JAKMIP3: variants seen among roughly 807,000 people sequenced by gnomAD.
JAKMIP3 encodes the protein Janus kinase and microtubule interacting protein 3.
A neutral mutation model predicts 118.5 loss-of-function variants in JAKMIP3; 58 were observed. The ratio of observed to expected loss-of-function variants is 0.49; its 90% CI spans 0.40 to 0.61. The LOEUF is 0.61. Ranked by LOEUF, JAKMIP3 falls within the 20% of genes least tolerant of loss-of-function variation. JAKMIP3 has a pLI of 0.00. For missense variants in JAKMIP3, 950 were observed against 1,109.0 expected (o/e 0.86, Z 2.04); for synonymous variants, 486 against 451.2 (o/e 1.08, Z -0.98).
At position 132,183,032 on chromosome 10, in the gene JAKMIP3, A is replaced by G. The variant is rs1313379395; in HGVS notation, c.*1779A>G. ...AGTTCAGTGTCTCTAGCTGAGCCTG[A>G]CCTCGGGGTTTGCGTCTCGAGTCTG... On this transcript the variant is annotated 3_prime_UTR_variant, in exon 24 of 24. Coordinates refer to ENST00000684848, the MANE Select transcript of JAKMIP3 (RefSeq NM_001323087.2). 1 of 152,108 alleles carries G rather than the reference A, an allele frequency of 6.6e-6. No homozygotes were observed. Among genetic ancestry groups the G allele is most frequent in the Admixed American group, 6.5e-5 (1 of 15,270 alleles). 9.4% of individuals were successfully genotyped at this position (152,108 alleles called of 1,614,324 possible). A position where few individuals can be genotyped will look rare whatever the true frequency, so the allele number is the denominator to read the frequency against.
intron 13 of JAKMIP3, among the ~76,000 whole-genome samples, chr10:132,147,522 CCCGGGAGCCACCTGGGACAT>C (rs1346579011): frequency 1.3e-5 from 2 of 152,236 alleles, no homozygotes; most frequent in East Asian, 3.9e-4. Context: ...CCAAGGGGCA[CCCGGGAGCCACCTGGGACAT>C]TTACCCTCCA....
chr10:132,123,001 G>A (rs1387562842), intron 3 of JAKMIP3, among the ~76,000 whole-genome samples: 1 of 152,198 alleles, frequency 6.6e-6, no homozygotes, highest in Non-Finnish European at 1.5e-5. Flanking sequence ...TACAGCAGAG[G>A]AACCTGGAGC....
rs968361234 is a variant in JAKMIP3, at chr10:132,168,080, T to C, written c.*150T>C. On this transcript the variant is annotated 3_prime_UTR_variant, in exon 23 of 24. Transcript: ENST00000684848. ...GCACGCCCGTCCCGTGGAGGAAGAG[T>C]GAGAAGGGGCAGTGTGTGGGGCGTG... 14 of 1,288,950 alleles carry C rather than the reference T, an allele frequency of 1.1e-5. No individual in the cohort carries two copies. Among genetic ancestry groups the C allele is most frequent in the Non-Finnish European group, 1.4e-5 (14 of 988,690 alleles). 79.8% of individuals were successfully genotyped at this position (1,288,950 alleles called of 1,614,324 possible).
intron 13 of JAKMIP3, among the ~76,000 whole-genome samples, chr10:132,147,738 G>T (rs2054918260): frequency 6.6e-6 from 1 of 152,236 alleles, no homozygotes; most frequent in Non-Finnish European, 1.5e-5. Flanking sequence ...ATGCGGTGCT[G>T]CCTGCCCAGC....
intron 1 of JAKMIP3, among the ~76,000 whole-genome samples, chr10:132,069,832 C>T (rs1256032414): frequency 2.0e-5 from 3 of 152,114 alleles, no homozygotes; most frequent in East Asian, 1.9e-4. Context: ...CTGAGCCCGC[C>T]CTTGCTGCTT....
At chr10:132,092,852 T>G (rs554181330) in intron 1 of JAKMIP3, among the ~76,000 whole-genome samples, 106 of 152,378 alleles carry the variant, frequency 7.0e-4, no homozygotes, top group Middle Eastern at 3.4e-3. Context: ...CTCTGATTTT[T>G]AGAATTTCCA....
At chr10:132,095,414 C>T (rs2043713650) in intron 1 of JAKMIP3, among the ~76,000 whole-genome samples, 1 of 152,228 alleles carries the variant, frequency 6.6e-6, no homozygotes, top group East Asian at 1.9e-4. Flanking sequence ...GCTTCCTCCG[C>T]CCCTGTATTT....
rs1319922847 is a variant in JAKMIP3, at chr10:132,049,960, G to GT, written c.-138+13229dup. ...GGCGATGTCCACACATTTTAGTGAG[G>GT]TTTTTTTGTTTCGTTTTGATGATGG... On this transcript the variant is annotated intron_variant, in intron 1 of 23. Coordinates refer to the JAKMIP3 transcript ENST00000657785. The surrounding 1 kb of genome is among the most constrained non-coding windows in gnomAD (Gnocchi z 4.3). Among the ~76,000 whole-genome samples the GT allele has an allele frequency of 2.6e-5, 4 of 152,128 alleles. No individual in the cohort carries two copies. The highest frequency in any genetic ancestry group is 1.9e-4 in the East Asian group (1 of 5,198).
intron 6 of JAKMIP3, among the ~76,000 whole-genome samples, chr10:132,136,643 C>T (rs948840240): frequency 6.6e-6 from 1 of 152,276 alleles, no homozygotes; most frequent in African/African-American, 2.4e-5. Flanking sequence ...ATGGAAGCCC[C>T]CTTCTTTTCA....
At chr10:132,123,321 C>T (rs1250496653) in intron 3 of JAKMIP3, among the ~76,000 whole-genome samples, 2 of 152,128 alleles carry the variant, frequency 1.3e-5, no homozygotes, top group African/African-American at 4.8e-5. Context: ...ACGCTCAGCG[C>T]GTTTGCTAAA....
At chr10:132,164,761 T>G (rs1358264131) in intron 21 of JAKMIP3, 26 bp downstream of exon 21, 1 of 1,547,920 alleles carries the variant, frequency 6.5e-7, no homozygotes, top group Non-Finnish European at 8.9e-7. Context: ...TTTTGGGGGT[T>G]GCTTGTTAAG....
Position 132,112,470 on chromosome 10 carries a change from T to C in JAKMIP3, c.136-4607T>C, listed in dbSNP as rs2135207206. 6.6e-6 allele frequency among the ~76,000 whole-genome samples: 1 copy of C among 152,322 alleles called. No homozygotes were observed. The highest frequency in any genetic ancestry group is 1.9e-4 in the East Asian group (1 of 5,184). Reference sequence around the variant, plus strand: ...AACATTCCATCCCGCCTCTGTTCTTTCGGGCTGTTAGGTTTTAAGAAGGGT... The same window carrying C: ...AACATTCCATCCCGCCTCTGTTCTTCCGGGCTGTTAGGTTTTAAGAAGGGT... On this transcript the variant is annotated intron_variant, in intron 2 of 23. Transcript: ENST00000684848. This position sits in a 1 kb window ranked among gnomAD's most constrained non-coding sequence, Gnocchi z 4.3.
At chr10:132,106,542 C>T (rs566145459) in intron 2 of JAKMIP3, among the ~76,000 whole-genome samples, 8 of 152,196 alleles carry the variant, frequency 5.3e-5, no homozygotes, top group African/African-American at 1.4e-4. Flanking sequence ...GCTGAGGCTT[C>T]GGGGCACAGC....
intron 1 of JAKMIP3, among the ~76,000 whole-genome samples, chr10:132,100,345 C>T (rs1269768888): frequency 1.3e-5 from 2 of 152,190 alleles, no homozygotes; most frequent in African/African-American, 4.8e-5. Flanking sequence ...TGGCTGAAGC[C>T]CATGCCACAC....
At chr10:132,060,045 C>T (rs372648743), upstream of JAKMIP3, among the ~76,000 whole-genome samples, 10 of 152,300 alleles carry the variant, frequency 6.6e-5, no homozygotes, top group South Asian at 1.7e-3. Context: ...GGAGATAAAA[C>T]ATTGCTGAAG....
At chr10:132,090,641 A>C (rs564224581) in intron 1 of JAKMIP3, among the ~76,000 whole-genome samples, 1 of 152,046 alleles carries the variant, frequency 6.6e-6, no homozygotes, top group Admixed American at 6.6e-5. Context: ...AATTTTGTTG[A>C]TCTTTTCAAA....
intron 1 of JAKMIP3, among the ~76,000 whole-genome samples, chr10:132,047,636 C>G (rs61215331): frequency 2.0e-5 from 2 of 99,618 alleles, no homozygotes; most frequent in African/African-American, 6.9e-5. Context: ...TCCCCACCCC[C>G]CCCTGCGAGT....
Position 132,184,230 on chromosome 10 carries a change from A to T in JAKMIP3, c.*2977A>T, listed in dbSNP as rs1236048672. 6.6e-6 allele frequency: 1 copy of T among 152,236 alleles called. No individual in the cohort carries two copies. Among genetic ancestry groups the T allele is most frequent in the Non-Finnish European group, 1.5e-5 (1 of 68,034 alleles). 9.4% of individuals were successfully genotyped at this position (152,236 alleles called of 1,614,324 possible). ...CATGGTCCAGATTTTGAGCTGGAGAAGGACTATGGCTGTTCCTTAAAGTCT... is the reference window on the plus strand; with the variant it reads ...CATGGTCCAGATTTTGAGCTGGAGATGGACTATGGCTGTTCCTTAAAGTCT... On this transcript the variant is annotated 3_prime_UTR_variant, in exon 24 of 24. Coordinates refer to ENST00000684848, the MANE Select transcript of JAKMIP3 (RefSeq NM_001323087.2).
rs764021923 is a variant in JAKMIP3 at position 132,118,896 on chromosome 10, C to G, written c.633+1322C>G. 6.6e-6 allele frequency among the ~76,000 whole-genome samples: 1 copy of G among 152,174 alleles called. No homozygotes were observed. The highest frequency in any genetic ancestry group is 6.5e-5 in the Admixed American group (1 of 15,282). ...AAGGAAGGAAGCGTTGCCACTGTCC[C>G]GGGAAGGTGGGAGGGACAGGTGGCT... is the stretch of plus-strand genomic sequence containing the variant. On this transcript the variant is annotated intron_variant, in intron 3 of 23. Transcript: ENST00000684848. This position sits in a 1 kb window ranked among gnomAD's most constrained non-coding sequence, Gnocchi z 4.8.
Sources: gnomAD v4.1 joint callset for allele counts (sites outside exome capture counted in the v4.1 genomes callset) on GRCh38, gnomAD v4.1.1 for gene constraint, Gnocchi (gnomAD v3.1) non-coding constraint, MANE v1.5 for transcripts, NCBI Gene and HGNC (gene_info 2026-07-23, HGNC 2026-07-21) for gene names.